Variants in HNRNPD observed in about 807,000 individuals in gnomAD.
HNRNPD encodes heterogeneous nuclear ribonucleoprotein D0.
HNRNPD carries 3 observed loss-of-function variants against 47.9 expected under a neutral mutation model. The ratio of observed to expected loss-of-function variants is 0.06; its 90% CI spans 0.03 to 0.16. HNRNPD has a LOEUF of 0.16. Among genes scored for constraint, HNRNPD ranks in the 10% least tolerant of loss-of-function variants. The pLI is 1.00. For synonymous variants in HNRNPD, 171 were observed against 165.1 expected, an observed-to-expected ratio of 1.04 and a Z score of -0.28; for missense variants, 287 against 454.2, an observed-to-expected ratio of 0.63 and a Z score of 3.35.
At chr4:82,366,979 T>G (rs1578054563) in intron 2 of HNRNPD, among the ~76,000 whole-genome samples, 1 of 151,554 alleles carries the variant, frequency 6.6e-6, no homozygotes, top group Non-Finnish European at 1.5e-5. Flanking sequence ...CTCTGCCTCC[T>G]GAGTAGATGT....
Position 82,373,433 on chromosome 4 carries a change from G to T in HNRNPD, c.233+13C>A. ...TAGTTGGGCCTGACTATCCTGGGAT[G>T]CCCCTTACTCACCCTTCATCCTCCT... is the stretch of plus-strand genomic sequence containing the variant. On this transcript the variant is annotated intron_variant, in intron 1 of 8. Coordinates refer to ENST00000313899, the MANE Select transcript of HNRNPD (RefSeq NM_031370.3). The T allele has an allele frequency of 6.4e-7, 1 of 1,571,504 alleles. No individual in the cohort carries two copies. The highest frequency in any genetic ancestry group is 8.6e-7 in the Non-Finnish European group (1 of 1,156,886).
At position 82,373,430 on chromosome 4, in the gene HNRNPD, G is replaced by A; in HGVS notation, c.233+16C>T. ...GACTAGTTGGGCCTGACTATCCTGG[G>A]ATGCCCCTTACTCACCCTTCATCCT... is the stretch of plus-strand genomic sequence containing the variant. On this transcript the variant is annotated intron_variant, in intron 1 of 8. Transcript: ENST00000313899. 6 of 1,571,392 alleles carry A rather than the reference G, an allele frequency of 3.8e-6. No homozygotes were observed. Among genetic ancestry groups the A allele is most frequent in the Non-Finnish European group, 4.3e-6 (5 of 1,156,754 alleles).
chr4:82,359,804 C>T (rs773788968), intron 2 of HNRNPD, among the ~76,000 whole-genome samples, 165 bp from the exon 3 acceptor site: 16 of 152,138 alleles, frequency 1.1e-4, no homozygotes, highest in Non-Finnish European at 2.4e-4. Flanking sequence ...TTCCAAAAAG[C>T]TGGCTTATTA....
intron 1 of HNRNPD, chr4:82,373,021 AGT>A: frequency 4.9e-6 from 2 of 408,520 alleles, no homozygotes; most frequent in Non-Finnish European, 9.8e-6. Context: ...AATAAACCTT[AGT>A]AATACAAACA....
At chr4:82,360,471 A>AAAAT (rs890300473) in intron 2 of HNRNPD, among the ~76,000 whole-genome samples, 32 of 152,222 alleles carry the variant, frequency 2.1e-4, no homozygotes, top group South Asian at 4.1e-4. Context: ...CCTTTGTACA[A>AAAAT]AAATAAATAA....
At chr4:82,363,122 G>T (rs1719573014) in intron 2 of HNRNPD, among the ~76,000 whole-genome samples, 1 of 151,662 alleles carries the variant, frequency 6.6e-6, no homozygotes, top group East Asian at 1.9e-4. Context: ...TGTCGCCCGG[G>T]CTGGAGTGCA....
intron 2 of HNRNPD, among the ~76,000 whole-genome samples, chr4:82,367,579 A>C (rs1272296538): frequency 1.3e-5 from 2 of 152,130 alleles, no homozygotes; most frequent in Admixed American, 1.3e-4. Context: ...ATAAGACTAA[A>C]TGGGGAGACA....
At chr4:82,355,600 C>CATCA (rs1560432846) in intron 7 of HNRNPD, 199 bp from the exon 8 acceptor site, 1 of 572,982 alleles carries the variant, frequency 1.7e-6, no homozygotes. Flanking sequence ...TCAGAATGAG[C>CATCA]TGATTACTTG....
chr4:82,371,728 G>A (rs2110004783), intron 1 of HNRNPD, 144 bp from the exon 2 acceptor site: 1 of 581,764 alleles, frequency 1.7e-6, no homozygotes. Flanking sequence ...AATTATCAGG[G>A]CTAACAGAAA....
At chr4:82,367,979 G>A (rs1461003011) in intron 2 of HNRNPD, among the ~76,000 whole-genome samples, 1 of 152,200 alleles carries the variant, frequency 6.6e-6, no homozygotes, top group Non-Finnish European at 1.5e-5. Context: ...TGGAAGTGAA[G>A]CAACAGAAAG....
chr4:82,373,371 G>A, intron 1 of HNRNPD, 75 bp downstream of exon 1: 2 of 1,516,898 alleles, frequency 1.3e-6, no homozygotes, highest in South Asian at 2.6e-5. Flanking sequence ...GCGGGAACCA[G>A]GCCTAATGGC....
At chr4:82,357,217 G>T in intron 5 of HNRNPD, 96 bp downstream of exon 5, 1 of 1,341,898 alleles carries the variant, frequency 7.5e-7, no homozygotes, top group Non-Finnish European at 1.0e-6. Context: ...AGTTTTTAAA[G>T]CATGCAAAGA....
At chr4:82,369,809 C>T (rs1207855959) in intron 2 of HNRNPD, among the ~76,000 whole-genome samples, 2 of 152,146 alleles carry the variant, frequency 1.3e-5, no homozygotes, top group African/African-American at 4.8e-5. Context: ...TATTAGAGCC[C>T]TTAAAAATGA....
chr4:82,362,937 GCTTAT>G (rs1402785724), intron 2 of HNRNPD, among the ~76,000 whole-genome samples: 2 of 151,902 alleles, frequency 1.3e-5, no homozygotes, highest in African/African-American at 4.8e-5. Context: ...GGAAAAGTCT[GCTTAT>G]CTTAATTATG....
At chr4:82,367,047 A>T (rs1379068103) in intron 2 of HNRNPD, among the ~76,000 whole-genome samples, 11 of 115,620 alleles carry the variant, frequency 9.5e-5, no homozygotes, top group East Asian at 2.6e-4. Flanking sequence ...TTTTTTTTTT[A>T]AAGAAACAGG....
At position 82,373,803 on chromosome 4, in the gene HNRNPD, G is replaced by C. The variant is rs889923949; in HGVS notation, c.-125C>G. On this transcript the variant is annotated 5_prime_UTR_variant, in exon 1 of 9. Coordinates refer to ENST00000313899, the MANE Select transcript of HNRNPD (RefSeq NM_031370.3). Reference sequence around the variant, plus strand: ...CTACCTCGCGAAGCACACAAGACAGGGAAGGCGCGCGCGTGGCTGCAAAGG... The same window carrying C: ...CTACCTCGCGAAGCACACAAGACAGCGAAGGCGCGCGCGTGGCTGCAAAGG... 1 of 1,504,052 alleles carries C rather than the reference G, an allele frequency of 6.6e-7. No individual in the cohort carries two copies. Among genetic ancestry groups the C allele is most frequent in the Non-Finnish European group, 8.9e-7 (1 of 1,129,798 alleles). The allele number at this position is 1,504,052 out of a possible 1,614,324, so 93.2% of individuals were successfully genotyped here.
intron 7 of HNRNPD, chr4:82,355,665 A>T (rs913855764): frequency 1.7e-5 from 8 of 457,758 alleles, no homozygotes; most frequent in African/African-American, 1.6e-4. Flanking sequence ...TAAAAGTTTT[A>T]AGTTTCAAAG....
chr4:82,363,424 T>G (rs1361192133), intron 2 of HNRNPD, among the ~76,000 whole-genome samples: 1 of 152,212 alleles, frequency 6.6e-6, no homozygotes, highest in African/African-American at 2.4e-5. Flanking sequence ...ACATGTACTG[T>G]CTGTCCAGAT....
At chr4:82,364,943 T>C (rs766225602) in intron 2 of HNRNPD, among the ~76,000 whole-genome samples, 36 of 152,334 alleles carry the variant, frequency 2.4e-4, no homozygotes, top group Admixed American at 5.9e-4. Context: ...TATTCCAAGA[T>C]ACCTCCCCTA....
Sources: gnomAD v4.1 joint callset for allele counts (sites outside exome capture counted in the v4.1 genomes callset) on GRCh38, gnomAD v4.1.1 for gene constraint, MANE v1.5 for transcripts, NCBI Gene and HGNC (gene_info 2026-07-23, HGNC 2026-07-21) for gene names.